The following STXBP5L variants were observed in gnomAD, a reference collection of about 807,000 sequenced individuals.
STXBP5L encodes syntaxin-binding protein 5-like.
A neutral mutation model predicts 144.5 loss-of-function variants in STXBP5L; 65 were observed. The ratio of observed to expected loss-of-function variants is 0.45; its 90% CI spans 0.37 to 0.55. The LOEUF (loss-of-function observed/expected upper bound fraction) is 0.55, where lower values mean the gene tolerates loss of function less well. Among genes scored for constraint, STXBP5L ranks in the 20% least tolerant of loss-of-function variants. The probability of loss-of-function intolerance (pLI) is 0.00; values close to 1 mark genes in which losing one functional copy is unlikely to be tolerated. For synonymous variants in STXBP5L, 505 were observed against 469.6 expected (o/e 1.08, Z -0.97); for missense variants, 1,298 against 1,405.5 (o/e 0.92, Z 1.22).
At chr3:121,279,253 G>A (rs1361101386) in intron 18 of STXBP5L, among the ~76,000 whole-genome samples, 1 of 151,598 alleles carries the variant, frequency 6.6e-6, no homozygotes, top group Non-Finnish European at 1.5e-5. Flanking sequence ...CTTTTGAAAG[G>A]GGCACAAAAT....
At chr3:121,271,334 G>A (rs1274805980) in intron 18 of STXBP5L, among the ~76,000 whole-genome samples, 1 of 152,110 alleles carries the variant, frequency 6.6e-6, no homozygotes, top group African/African-American at 2.4e-5. Flanking sequence ...TGGCTTCTAT[G>A]TCCTTTTGAT....
At chr3:121,169,027 C>G (rs1023758407) in intron 9 of STXBP5L, among the ~76,000 whole-genome samples, 10 of 152,064 alleles carry the variant, frequency 6.6e-5, no homozygotes, top group African/African-American at 2.4e-4. Flanking sequence ...AGAGTGGGGA[C>G]CAATATGCAA....
chr3:121,389,580 T>TTG (rs2046522571), intron 22 of STXBP5L, among the ~76,000 whole-genome samples: 1 of 152,196 alleles, frequency 6.6e-6, no homozygotes, highest in Middle Eastern at 3.2e-3. Flanking sequence ...TCCTGGTACA[T>TTG]TGTGTCTTTG....
intron 22 of STXBP5L, among the ~76,000 whole-genome samples, chr3:121,393,763 G>C (rs192537147): frequency 1.6e-4 from 24 of 151,664 alleles, no homozygotes; most frequent in Admixed American, 4.6e-4. Flanking sequence ...TTTATTTCTG[G>C]GTCTTCTATT....
intron 3 of STXBP5L, among the ~76,000 whole-genome samples, chr3:120,956,407 T>A (rs1055963852): frequency 6.6e-6 from 1 of 151,906 alleles, no homozygotes; most frequent in Non-Finnish European, 1.5e-5. Flanking sequence ...AGGTAACTTA[T>A]ATAAGTGAAA....
intron 3 of STXBP5L, among the ~76,000 whole-genome samples, chr3:120,962,536 C>T (rs1938974052): frequency 6.6e-6 from 1 of 152,168 alleles, no homozygotes; most frequent in Admixed American, 6.5e-5. Flanking sequence ...AATAGGGAAT[C>T]CTTTCCCCAT....
intron 20 of STXBP5L, among the ~76,000 whole-genome samples, chr3:121,353,282 G>C (rs545159875): frequency 1.1e-3 from 160 of 152,282 alleles, no homozygotes; most frequent in Non-Finnish European, 2.1e-3. Context: ...TGTACCTCTG[G>C]TAGAATTTGT....
chr3:121,206,560 A>G (rs993118112), intron 10 of STXBP5L, among the ~76,000 whole-genome samples: 8 of 152,204 alleles, frequency 5.3e-5, no homozygotes, highest in African/African-American at 1.9e-4. Flanking sequence ...CTGTAACCCC[A>G]GCACTTTGGG....
At chr3:121,098,725 C>A (rs1307574944) in intron 5 of STXBP5L, among the ~76,000 whole-genome samples, 1 of 152,170 alleles carries the variant, frequency 6.6e-6, no homozygotes, top group Non-Finnish European at 1.5e-5. Flanking sequence ...CTTGCATCTG[C>A]AAGGATGATG....
chr3:121,185,691 G>T (rs1216370612), intron 9 of STXBP5L, among the ~76,000 whole-genome samples: 1 of 152,150 alleles, frequency 6.6e-6, no homozygotes, highest in Non-Finnish European at 1.5e-5. Context: ...TACTGTTTTG[G>T]TTACTATAGC....
chr3:121,279,509 T>C (rs2050983993), intron 18 of STXBP5L, among the ~76,000 whole-genome samples: 1 of 151,948 alleles, frequency 6.6e-6, no homozygotes, highest in African/African-American at 2.4e-5. Context: ...GTGATTCTTC[T>C]GTGAAAACAT....
intron 10 of STXBP5L, among the ~76,000 whole-genome samples, chr3:121,211,526 T>C (rs1466326094): frequency 6.6e-6 from 1 of 151,788 alleles, no homozygotes; most frequent in Admixed American, 6.6e-5. Context: ...GAAGCATTCC[T>C]ATTTTTTCTA....
intron 9 of STXBP5L, among the ~76,000 whole-genome samples, chr3:121,184,979 G>A (rs553700853): frequency 2.0e-5 from 3 of 152,212 alleles, no homozygotes; most frequent in South Asian, 4.1e-4. Flanking sequence ...CATAAGCAAA[G>A]GAGAAATAAA....
At chr3:121,377,268 A>G (rs1362628935) in intron 20 of STXBP5L, among the ~76,000 whole-genome samples, 3 of 152,144 alleles carry the variant, frequency 2.0e-5, no homozygotes, top group African/African-American at 7.2e-5. Context: ...TTCAGGACAT[A>G]GGCATGGACA....
chr3:121,278,448 G>A (rs1024998290), intron 18 of STXBP5L, among the ~76,000 whole-genome samples: 2 of 151,792 alleles, frequency 1.3e-5, no homozygotes, highest in African/African-American at 2.4e-5. Context: ...AGAATGTCAT[G>A]CATCCTAGTT....
At chr3:121,162,640 A>G (rs2046364295) in intron 9 of STXBP5L, among the ~76,000 whole-genome samples, 1 of 152,236 alleles carries the variant, frequency 6.6e-6, no homozygotes, top group Admixed American at 6.5e-5. Flanking sequence ...GGCAACCCAC[A>G]GAATGGGAGA....
rs2043851730 is a variant in STXBP5L, at chr3:121,318,328, A to T, written c.2111-147A>T. ...AAAAAAAATTAATAAAAATATTTTT[A>T]AAATTCAGAATAATTGACGTAACTT... On this transcript the variant is annotated intron_variant, in intron 19 of 26. Coordinates refer to ENST00000471454, the MANE Select transcript of STXBP5L (RefSeq NM_001308330.2). 9.8e-6 allele frequency: 4 copies of T among 409,496 alleles called. No homozygotes were observed. In the South Asian group the frequency reaches 1.8e-4, roughly 18 times the overall value. 25.4% of individuals were successfully genotyped at this position (409,496 alleles called of 1,614,324 possible).
At chr3:121,006,581 G>A (rs572921287) in intron 3 of STXBP5L, among the ~76,000 whole-genome samples, 1 of 152,256 alleles carries the variant, frequency 6.6e-6, no homozygotes, top group South Asian at 2.1e-4. Flanking sequence ...GTATGAATTT[G>A]ATCCTGTCAT....
At chr3:120,923,238 T>C (rs1308489486) in intron 2 of STXBP5L, among the ~76,000 whole-genome samples, 3 of 151,992 alleles carry the variant, frequency 2.0e-5, no homozygotes, top group Admixed American at 2.0e-4. Flanking sequence ...GGATATTCTT[T>C]TTTTCTTAGT....
Sources: gnomAD v4.1 joint callset for allele counts (sites outside exome capture counted in the v4.1 genomes callset) on GRCh38, gnomAD v4.1.1 for gene constraint, MANE v1.5 for transcripts, NCBI Gene and HGNC (gene_info 2026-07-23, HGNC 2026-07-21) for gene names.